Variants in TAFA2 observed in about 807,000 individuals in gnomAD.
TAFA2 encodes chemokine-like protein TAFA-2.
Under a neutral mutation model 18.8 loss-of-function variants are expected in TAFA2, and 7 were observed. The observed-to-expected ratio is 0.37, with a 90% CI of 0.21 to 0.70. The LOEUF (loss-of-function observed/expected upper bound fraction) is 0.70. Ranked by LOEUF, TAFA2 falls within the 30% of genes least tolerant of loss-of-function variation. TAFA2 has a pLI of 0.53. For synonymous variants in TAFA2, 60 were observed against 54.2 expected (o/e 1.11, Z -0.47); for missense variants, 122 against 158.1 (o/e 0.77, Z 1.23).
chr12:61,749,735 T>C (rs1307853784), intron 4 of TAFA2, among the ~76,000 whole-genome samples: 1 of 152,066 alleles, frequency 6.6e-6, no homozygotes, highest in African/African-American at 2.4e-5. Flanking sequence ...CTTAAGTATA[T>C]GAAAAGTCAA....
intron 1 of TAFA2, among the ~76,000 whole-genome samples, chr12:61,999,581 C>G (rs1237799884): frequency 6.6e-6 from 1 of 152,134 alleles, no homozygotes; most frequent in African/African-American, 2.4e-5. Context: ...CCATGCTAAT[C>G]AACAGAGTTC....
At chr12:61,858,788 C>A (rs572919768) in intron 2 of TAFA2, among the ~76,000 whole-genome samples, 70 of 151,990 alleles carry the variant, frequency 4.6e-4, no homozygotes, top group African/African-American at 1.6e-3. Flanking sequence ...AAGTGTGAAC[C>A]AAAACAAATG....
At chr12:62,243,915 C>A (rs1157522402) in intron 1 of TAFA2, among the ~76,000 whole-genome samples, 1 of 152,154 alleles carries the variant, frequency 6.6e-6, no homozygotes, top group African/African-American at 2.4e-5. Context: ...GTAACTGGGA[C>A]TACTCTAGCT....
chr12:61,884,446 T>C (rs969016870), intron 1 of TAFA2, among the ~76,000 whole-genome samples: 2 of 152,188 alleles, frequency 1.3e-5, no homozygotes, highest in Non-Finnish European at 2.9e-5. Flanking sequence ...CCATTTCCAG[T>C]TAACATAAAT....
At chr12:61,846,408 T>C (rs1335217164) in intron 2 of TAFA2, among the ~76,000 whole-genome samples, 1 of 152,160 alleles carries the variant, frequency 6.6e-6, no homozygotes, top group Non-Finnish European at 1.5e-5. Flanking sequence ...AAAATACCTG[T>C]GTAAGATGAG....
At chr12:61,895,325 T>C (rs528220605) in intron 1 of TAFA2, among the ~76,000 whole-genome samples, 56 of 152,242 alleles carry the variant, frequency 3.7e-4, no homozygotes, top group African/African-American at 1.3e-3. Flanking sequence ...GTGACAAATG[T>C]CTTAATTCCA....
intron 2 of TAFA2, among the ~76,000 whole-genome samples, chr12:61,791,764 TG>T (rs927604405): frequency 1.3e-5 from 2 of 151,592 alleles, no homozygotes; most frequent in African/African-American, 2.4e-5. Context: ...ATGTACTGTT[TG>T]TGGGTATGTA....
intron 1 of TAFA2, among the ~76,000 whole-genome samples, chr12:62,243,113 T>C (rs1409680038): frequency 6.6e-6 from 1 of 152,196 alleles, no homozygotes; most frequent in Admixed American, 6.5e-5. Flanking sequence ...GTTTAATATA[T>C]TAAGAAAATG....
chr12:61,747,218 G>A (rs1868758844), intron 4 of TAFA2, among the ~76,000 whole-genome samples: 1 of 150,910 alleles, frequency 6.6e-6, no homozygotes, highest in Admixed American at 6.6e-5. Context: ...GGAAACAACA[G>A]GTGCTGGAGA....
intron 1 of TAFA2, among the ~76,000 whole-genome samples, chr12:61,919,355 A>T (rs1184080142): frequency 6.6e-6 from 1 of 152,140 alleles, no homozygotes; most frequent in Non-Finnish European, 1.5e-5. Context: ...TCTCTTGCTT[A>T]GTCCCTCTCA....
chr12:62,115,516 A>C (rs1011282144), intron 1 of TAFA2, among the ~76,000 whole-genome samples: 9 of 152,128 alleles, frequency 5.9e-5, no homozygotes, highest in African/African-American at 2.2e-4. Flanking sequence ...TCATGTCCAA[A>C]TCACAGTCTG....
At chr12:61,880,023 A>T (rs1875047656) in intron 1 of TAFA2, 1 of 736,946 alleles carries the variant, frequency 1.4e-6, no homozygotes, top group Non-Finnish European at 2.5e-6. Context: ...GAGATCTGGG[A>T]GCTGCAGTCC....
chr12:62,219,305 T>A (rs1405513257), intron 1 of TAFA2, among the ~76,000 whole-genome samples: 1 of 152,158 alleles, frequency 6.6e-6, no homozygotes. Flanking sequence ...AATGAAATCA[T>A]AGGTCACAAT....
rs17125429 is a variant in TAFA2 at position 61,856,678 on chromosome 12, G to A, written c.106+10642C>T. The stretch of plus-strand genomic sequence containing the variant: ...ATTTTATACTTTCTAAATATCCTGA[G>A]TACAAATCATTTTTATAATTAAAAG... On this transcript the variant is annotated intron_variant, in intron 2 of 4. Coordinates refer to ENST00000416284, the MANE Select transcript of TAFA2 (RefSeq NM_178539.5). Among the ~76,000 whole-genome samples, 564 of 151,938 alleles carry A rather than the reference G, an allele frequency of 3.7e-3. 2 individuals carry two copies. Among genetic ancestry groups the A allele is most frequent in the African/African-American group, 0.013 (554 of 41,498 alleles).
chr12:61,769,711 G>A (rs1266334050), intron 2 of TAFA2, among the ~76,000 whole-genome samples: 2 of 152,076 alleles, frequency 1.3e-5, no homozygotes, highest in African/African-American at 4.8e-5. Flanking sequence ...AATTAAGGGA[G>A]CACCACATGG....
intron 1 of TAFA2, among the ~76,000 whole-genome samples, chr12:62,029,896 G>A: frequency 6.6e-6 from 1 of 151,946 alleles, no homozygotes; most frequent in East Asian, 1.9e-4. Flanking sequence ...TTTCTAGAGA[G>A]TCAAGATAAG....
chr12:61,820,234 AAATGGTGGTGTGG>A (rs1872261552), intron 2 of TAFA2, among the ~76,000 whole-genome samples: 1 of 151,988 alleles, frequency 6.6e-6, no homozygotes, highest in Non-Finnish European at 1.5e-5. Context: ...CAAGTTTATA[AAATGGTGGTGTGG>A]GGATGGAAGG....
At chr12:61,776,684 C>T (rs1189844105) in intron 2 of TAFA2, among the ~76,000 whole-genome samples, 3 of 151,830 alleles carry the variant, frequency 2.0e-5, no homozygotes, top group Non-Finnish European at 4.4e-5. Flanking sequence ...TAGATGATGT[C>T]TAAGCTCCCT....
chr12:61,720,131 G>A (rs572695796), intron 4 of TAFA2, among the ~76,000 whole-genome samples: 2 of 151,868 alleles, frequency 1.3e-5, no homozygotes, highest in South Asian at 2.1e-4. Flanking sequence ...TTTCCAAAGT[G>A]TGTCAAAATA....
Sources: gnomAD v4.1 joint callset for allele counts (sites outside exome capture counted in the v4.1 genomes callset) on GRCh38, gnomAD v4.1.1 for gene constraint, MANE v1.5 for transcripts, NCBI Gene and HGNC (gene_info 2026-07-23, HGNC 2026-07-21) for gene names.